The following ABCA12 variants were observed in gnomAD, a reference collection of about 807,000 sequenced individuals.
ABCA12 encodes the protein ATP binding cassette subfamily A member 12, also known as glucosylceramide transporter ABCA12.
A neutral mutation model predicts 293.5 loss-of-function variants in ABCA12; 156 were observed. That is an observed-to-expected ratio of 0.53 (90% confidence interval 0.47 to 0.61). The LOEUF (loss-of-function observed/expected upper bound fraction) is 0.61, where lower values mean the gene tolerates loss of function less well. Ranked by LOEUF, ABCA12 falls within the 20% of genes least tolerant of loss-of-function variation. The pLI, the probability that ABCA12 is intolerant of heterozygous loss-of-function variation, is 0.00. For missense variants in ABCA12, 2,797 were observed against 3,090.2 expected (o/e 0.91, Z 2.25); for synonymous variants, 1,063 against 1,108.0 (o/e 0.96, Z 0.81).
At position 214,980,510 on chromosome 2, in the gene ABCA12, C is replaced by G. The variant is rs771653328; in HGVS notation, c.4713G>C (p.Gly1571=). Residue 1571 remains glycine, a synonymous_variant, in exon 31 of 53, where the codon GGG becomes GGC. Transcript: ENST00000272895. ...PFYLKEAFGD[G]YHLTLTKKKS... ...TCTTCTTGGTAAGCGTGAGGTGATA[C>G]CCATCGCCAAAGGCTTCCTTGAGGT... The G allele has an allele frequency of 5.0e-6, 8 of 1,613,790 alleles. No homozygotes were observed. The highest frequency in any genetic ancestry group is 4.4e-5 in the South Asian group (4 of 91,066).
At chr2:215,120,491 A>G (rs1025028007) in intron 1 of ABCA12, among the ~76,000 whole-genome samples, 2 of 152,168 alleles carry the variant, frequency 1.3e-5, no homozygotes, top group African/African-American at 4.8e-5. Context: ...CTAAAACACG[A>G]AGGATGAAAA....
chr2:215,112,496 T>C (rs58210301), intron 1 of ABCA12, among the ~76,000 whole-genome samples: 4 of 122,286 alleles, frequency 3.3e-5, no homozygotes, highest in African/African-American at 1.2e-4. Context: ...GTTTTTTTTT[T>C]GTTTTTTTTT....
intron 2 of ABCA12, among the ~76,000 whole-genome samples, chr2:215,090,945 C>G (rs1702130105): frequency 6.6e-6 from 1 of 152,088 alleles, no homozygotes. Context: ...CACTTGGCCC[C>G]AATACAAACT....
At chr2:214,966,633 T>G (rs1032518371) in intron 39 of ABCA12, among the ~76,000 whole-genome samples, 1 of 152,154 alleles carries the variant, frequency 6.6e-6, no homozygotes, top group East Asian at 1.9e-4. Flanking sequence ...TATCCTGATT[T>G]GATAGATGAG....
At position 214,958,379 on chromosome 2, in the gene ABCA12, G is replaced by C. The variant is rs761942940; in HGVS notation, c.6015C>G (p.Val2005=). Residue 2005 remains valine (V), a synonymous_variant, in exon 41 of 53, where the codon GTC becomes GTG. Coordinates refer to ENST00000272895, the MANE Select transcript of ABCA12 (RefSeq NM_173076.3). Reference sequence around the variant, plus strand: ...TTTGATGTTCCCTTACAACATAGGTGACAAAGCTGGCGGTGGTGACAGAGT... The same window carrying C: ...TTTGATGTTCCCTTACAACATAGGTCACAAAGCTGGCGGTGGTGACAGAGT... The part of the protein sequence containing the change: ...MGYSVTTASF[V]TYVVREHQTK... The C allele has an allele frequency of 8.7e-6, 14 of 1,614,030 alleles. No individual in the cohort carries two copies. The South Asian group carries it at 1.4e-4, about 16-fold the overall frequency.
chr2:215,056,043 G>A (rs1161236458), intron 3 of ABCA12, among the ~76,000 whole-genome samples: 3 of 151,968 alleles, frequency 2.0e-5, no homozygotes, highest in Non-Finnish European at 4.4e-5. Flanking sequence ...ACATTTTGAA[G>A]ACAAAAGCAA....
intron 14 of ABCA12, among the ~76,000 whole-genome samples, chr2:215,017,035 T>C (rs995382788): frequency 6.6e-6 from 1 of 152,188 alleles, no homozygotes; most frequent in Non-Finnish European, 1.5e-5. Flanking sequence ...AAGGTGAGAT[T>C]AAAGAGAAAA....
chr2:215,052,615 CCACACA>C, intron 4 of ABCA12, 31 bp from the exon 5 acceptor site: 1 of 1,497,738 alleles, frequency 6.7e-7, no homozygotes, highest in Non-Finnish European at 9.3e-7. Flanking sequence ...GATTAGCATT[CCACACA>C]CACACACACA....
chr2:215,004,141 A>G (rs968688204), intron 20 of ABCA12, 68 bp downstream of exon 20: 1 of 1,349,552 alleles, frequency 7.4e-7, no homozygotes, highest in African/African-American at 1.4e-5. Flanking sequence ...AAATGTAATC[A>G]TATGGAACAA....
rs1288749121 is a variant in ABCA12 at position 215,010,419 on chromosome 2, G to A, written c.2384C>T (p.Pro795Leu). The A allele has an allele frequency of 8.6e-5, 139 of 1,613,688 alleles. No individual in the cohort carries two copies. Among genetic ancestry groups the A allele is most frequent in the Non-Finnish European group, 1.2e-4 (137 of 1,179,784 alleles). ...AGGTTTCAAGAAAGCCCAAATCACA[G>A]GTCCAGCGGGCATGTTAATGATGTC... ...YKDIINMPAG[P>L]VIWAFLKPML... Residue 795 changes from proline (P) to leucine (L), a missense_variant, in exon 18 of 53, where the codon CCT (proline) becomes CTT (leucine). Around this residue, in one of 3 missense-constraint regions of ABCA12, gnomAD observed 2,130 missense variants for 2,427.0 expected, o/e 0.88. Transcript: ENST00000272895.
In ABCA12 at chr2:214,973,636, C is replaced by T. The variant is rs1699437709; in HGVS notation, c.5562+313G>A. Among the ~76,000 whole-genome samples, 6 of 152,154 alleles carry T rather than the reference C, an allele frequency of 3.9e-5. No homozygotes were observed. The South Asian group carries it at 1.2e-3, about 32-fold the overall frequency. On this transcript the variant is annotated intron_variant, in intron 36 of 52. Transcript: ENST00000272895. The stretch of plus-strand genomic sequence containing the variant: ...ATATTTCAAATATGACAGTTATGGT[C>T]TCATTTTTTCCTGTGAAGCATAGAG...
intron 2 of ABCA12, among the ~76,000 whole-genome samples, chr2:215,105,578 G>GACAC (rs747604210): frequency 0.037 from 5,285 of 142,718 alleles, 327 homozygotes; most frequent in African/African-American, 0.13. Flanking sequence ...AGGGCTTCAA[G>GACAC]ACACACACAC....
Position 214,983,659 on chromosome 2 carries a change from T to A in ABCA12, c.4370A>T (p.Glu1457Val). Reference sequence around the variant, plus strand: ...TGTCTTAACTTGCCTTTTTACTTCCTCGTGGAGCTGCTTTTTAGTCCAGTG... The same window carrying A: ...TGTCTTAACTTGCCTTTTTACTTCCACGTGGAGCTGCTTTTTAGTCCAGTG... ...VPHWTKKQLHEEVKRTLKDTG... is the reference protein window; with the variant it reads ...VPHWTKKQLHVEVKRTLKDTG... The change falls in exon 29 of 53, where the codon GAG becomes GTG. Residue 1457 changes from glutamate (E) to valine (V), a missense_variant. Transcript: ENST00000272895. 1 of 1,614,150 alleles carries A rather than the reference T, an allele frequency of 6.2e-7. No homozygotes were observed. The highest frequency in any genetic ancestry group is 8.5e-7 in the Non-Finnish European group (1 of 1,180,004).
chr2:215,063,085 A>T (rs1179161139), intron 3 of ABCA12, among the ~76,000 whole-genome samples: 1 of 151,994 alleles, frequency 6.6e-6, no homozygotes, highest in Non-Finnish European at 1.5e-5. Context: ...TTATTGAAAC[A>T]ACAAAATCAG....
chr2:214,973,262 C>G (rs146782164), intron 36 of ABCA12, among the ~76,000 whole-genome samples: 11 of 152,152 alleles, frequency 7.2e-5, no homozygotes, highest in African/African-American at 2.6e-4. Context: ...ACTATTATAC[C>G]AAGACACTTC....
chr2:215,134,567 T>C, intron 1 of ABCA12, among the ~76,000 whole-genome samples: 1 of 131,418 alleles, frequency 7.6e-6, no homozygotes, highest in African/African-American at 3.2e-5. Context: ...TATATGTGTG[T>C]ATATATATAA....
At chr2:215,137,992 G>A (rs1703267756) in intron 1 of ABCA12, 148 bp downstream of exon 1, 1 of 853,586 alleles carries the variant, frequency 1.2e-6, no homozygotes, top group Non-Finnish European at 2.0e-6. Flanking sequence ...CTATAAGACA[G>A]ATAGGGGGAT....
intron 1 of ABCA12, among the ~76,000 whole-genome samples, chr2:215,135,584 A>G (rs1406634106): frequency 2.0e-5 from 3 of 152,228 alleles, no homozygotes; most frequent in African/African-American, 7.2e-5. Context: ...AATTTTTAGA[A>G]TGATTATGAA....
intron 2 of ABCA12, chr2:215,075,518 A>C: frequency 1.4e-6 from 1 of 689,892 alleles, no homozygotes; most frequent in Middle Eastern, 2.3e-4. Flanking sequence ...TTATTGTGCA[A>C]TCATAACCCT....
Sources: gnomAD v4.1 joint callset for allele counts (sites outside exome capture counted in the v4.1 genomes callset) on GRCh38, gnomAD v4.1.1 for gene constraint, gnomAD v4.1.1 regional missense constraint, MANE v1.5 for transcripts, NCBI Gene and HGNC (gene_info 2026-07-23, HGNC 2026-07-21) for gene names.